The following PHLDB2 variants were observed in gnomAD, a reference collection of about 807,000 sequenced individuals.
PHLDB2 encodes pleckstrin homology-like domain family B member 2.
PHLDB2 carries 71 observed loss-of-function variants against 123.6 expected under a neutral mutation model. The observed-to-expected ratio is 0.57, with a 90% confidence interval of 0.47 to 0.70. The LOEUF (loss-of-function observed/expected upper bound fraction) is 0.70. PHLDB2 is among the 30% of genes least tolerant of loss of function. PHLDB2 has a pLI of 0.00. For missense variants in PHLDB2, 1,446 were observed against 1,519.5 expected (o/e 0.95, Z 0.80); for synonymous variants, 547 against 541.6 (o/e 1.01, Z -0.14).
At chr3:111,746,492 GT>G (rs1365651995) in intron 1 of PHLDB2, among the ~76,000 whole-genome samples, 1 of 152,214 alleles carries the variant, frequency 6.6e-6, no homozygotes, top group East Asian at 1.9e-4. Flanking sequence ...GCTGGGTACA[GT>G]GGCTCACACC....
intron 1 of PHLDB2, among the ~76,000 whole-genome samples, chr3:111,877,141 C>T (rs2065670797): frequency 6.6e-6 from 1 of 152,232 alleles, no homozygotes; most frequent in Non-Finnish European, 1.5e-5. Context: ...TGAGGAATCA[C>T]CACACTGACT....
intron 1 of PHLDB2, among the ~76,000 whole-genome samples, chr3:111,742,571 T>G (rs1351654550): frequency 6.6e-6 from 1 of 152,168 alleles, no homozygotes; most frequent in Non-Finnish European, 1.5e-5. Context: ...TTTGGTTTTT[T>G]GTCCTTGCGA....
chr3:111,733,905 A>G lies in PHLDB2; in HGVS notation c.-49+1202A>G, dbSNP rs372405885. Among the ~76,000 whole-genome samples, 227 of 152,190 alleles carry G rather than the reference A, an allele frequency of 1.5e-3. 7 individuals are homozygous for G. In the South Asian group the frequency reaches 0.046, roughly 31 times the overall value. On this transcript the variant is annotated intron_variant, in intron 1 of 17. Transcript: ENST00000393923. ...AGAAGCCTAGTAATGCTGAAGTCCTATTTTTCTGAACTCCCTTTAGGGAAG... is the reference window on the plus strand; with the variant it reads ...AGAAGCCTAGTAATGCTGAAGTCCTGTTTTTCTGAACTCCCTTTAGGGAAG...
chr3:111,886,377 G>A (rs1056265054), intron 2 of PHLDB2, among the ~76,000 whole-genome samples: 1 of 151,952 alleles, frequency 6.6e-6, no homozygotes, highest in Non-Finnish European at 1.5e-5. Context: ...GCCGCACAAG[G>A]CCCACAATGG....
chr3:111,912,103 G>A (rs1010352571), intron 2 of PHLDB2, among the ~76,000 whole-genome samples: 1 of 152,196 alleles, frequency 6.6e-6, no homozygotes, highest in Non-Finnish European at 1.5e-5. Context: ...TGTGGTAAAT[G>A]TGATCACAAT....
intron 1 of PHLDB2, among the ~76,000 whole-genome samples, chr3:111,866,049 T>C (rs2065064409): frequency 8.2e-6 from 1 of 121,832 alleles, no homozygotes; most frequent in Admixed American, 1.1e-4. Context: ...GGAGACAGAG[T>C]TGCTCTGTCA....
At chr3:111,866,045 A>G (rs2065063363) in intron 1 of PHLDB2, among the ~76,000 whole-genome samples, 1 of 42,882 alleles carries the variant, frequency 2.3e-5, no homozygotes, top group African/African-American at 7.3e-5. Context: ...TTTTGGAGAC[A>G]GAGTTGCTCT....
At chr3:111,733,288 A>C (rs966075763) in intron 1 of PHLDB2, among the ~76,000 whole-genome samples, 3 of 152,182 alleles carry the variant, frequency 2.0e-5, no homozygotes, top group African/African-American at 7.2e-5. Flanking sequence ...TCACATCGGC[A>C]GCCAGGTCAA....
rs938056272 is a variant in PHLDB2, at chr3:111,913,542, C to A, written c.1559C>A (p.Ala520Glu). ...GACTCCCTCCCTGATGCAGACTTGG[C>A]AAGCTGTGGGAGTCTCAGTCAGAGC... ...RKDSLPDADL[A>E]SCGSLSQSSA... Residue 520 changes from alanine to glutamate, a missense_variant, in exon 3 of 18, where the codon GCA becomes GAA. Ala to Glu is a moderately radical substitution (Grantham distance 107). Transcript: ENST00000431670. The A allele has an allele frequency of 6.2e-7, 1 of 1,614,094 alleles. No individual in the cohort carries two copies. The highest frequency in any genetic ancestry group is 1.3e-5 in the African/African-American group (1 of 75,038).
At chr3:111,848,200 C>T (rs550464192) in intron 2 of PHLDB2, among the ~76,000 whole-genome samples, 2 of 152,186 alleles carry the variant, frequency 1.3e-5, no homozygotes, top group Non-Finnish European at 2.9e-5. Context: ...AAGCATTCAA[C>T]AAAGTAATTG....
intron 16 of PHLDB2, among the ~76,000 whole-genome samples, chr3:111,971,688 C>T (rs2072195948): frequency 6.6e-6 from 1 of 152,144 alleles, no homozygotes; most frequent in Non-Finnish European, 1.5e-5. Context: ...GACCAGTCCG[C>T]AGGCAGTCAT....
chr3:111,763,094 T>C (rs2060021754), intron 1 of PHLDB2, among the ~76,000 whole-genome samples: 1 of 152,192 alleles, frequency 6.6e-6, no homozygotes, highest in Non-Finnish European at 1.5e-5. Flanking sequence ...GAGCCATAGC[T>C]GCACTGAGCT....
intron 1 of PHLDB2, among the ~76,000 whole-genome samples, chr3:111,765,780 G>GA (rs1474691760): frequency 6.6e-6 from 1 of 152,088 alleles, no homozygotes; most frequent in Non-Finnish European, 1.5e-5. Flanking sequence ...AGAGGTGAGT[G>GA]AAAAAATATG....
At chr3:111,752,637 A>G (rs1559812532) in intron 1 of PHLDB2, among the ~76,000 whole-genome samples, 1 of 151,104 alleles carries the variant, frequency 6.6e-6, no homozygotes, top group African/African-American at 2.4e-5. Flanking sequence ...CTTTTTTATT[A>G]TTATTTTATT....
intron 1 of PHLDB2, among the ~76,000 whole-genome samples, chr3:111,797,163 T>C (rs1433960107): frequency 6.6e-6 from 1 of 152,240 alleles, no homozygotes; most frequent in Non-Finnish European, 1.5e-5. Flanking sequence ...CTCATTATAT[T>C]TACTGTCATT....
At chr3:111,837,366 T>C (rs72938213) in intron 1 of PHLDB2, among the ~76,000 whole-genome samples, 57 of 152,306 alleles carry the variant, frequency 3.7e-4, no homozygotes, top group African/African-American at 1.3e-3. Context: ...CATCAAACAG[T>C]TGATCTATTA....
At chr3:111,873,951 G>A (rs1388410875) in intron 1 of PHLDB2, among the ~76,000 whole-genome samples, 1 of 152,184 alleles carries the variant, frequency 6.6e-6, no homozygotes, top group Non-Finnish European at 1.5e-5. Flanking sequence ...ATTAAATATA[G>A]TTCATACCAG....
rs377082853 is a variant in PHLDB2 at position 111,962,185 on chromosome 3, G to A, written c.2950G>A (p.Val984Ile). 2.5e-6 allele frequency: 4 copies of A among 1,583,298 alleles called. No individual in the cohort carries two copies. The African/African-American group carries it at 4.1e-5, about 16-fold the overall frequency. Residue 984 changes from valine (V) to isoleucine (I), a missense_variant, in exon 13 of 18, where the codon GTC becomes ATC. By Grantham distance (29) the Val-to-Ile change is conservative (BLOSUM62 3). Coordinates refer to ENST00000431670, the MANE Select transcript of PHLDB2 (RefSeq NM_001134438.2). ...TAACCGCACAGCATCTGAATCAAAT[G>A]TCTACTTGAATAGTTTCCATTATCC... The part of the protein sequence containing the change: ...FYNRTASESN[V>I]YLNSFHYPDH...
chr3:111,937,350 ACT>A (rs2069559129), intron 6 of PHLDB2, among the ~76,000 whole-genome samples: 1 of 152,256 alleles, frequency 6.6e-6, no homozygotes, highest in East Asian at 1.9e-4. Context: ...TATTTATCCA[ACT>A]CTCTTTGATG....
Sources: allele counts gnomAD v4.1 joint callset (sites outside exome capture counted in the v4.1 genomes callset), GRCh38; gene constraint gnomAD v4.1.1; transcripts MANE v1.5; gene names NCBI Gene and HGNC (gene_info 2026-07-23, HGNC 2026-07-21).